Variants in THSD7A observed in about 807,000 individuals in gnomAD.
THSD7A encodes thrombospondin type 1 domain containing 7A, also known as thrombospondin type-1 domain-containing protein 7A.
A neutral mutation model predicts 231.3 loss-of-function variants in THSD7A; 96 were observed. The observed-to-expected ratio is 0.41, with a 90% CI of 0.35 to 0.49. The LOEUF (loss-of-function observed/expected upper bound fraction) is 0.49, where lower values mean the gene tolerates loss of function less well. Ranked by LOEUF, THSD7A falls within the 20% of genes least tolerant of loss-of-function variation. The probability of loss-of-function intolerance (pLI) is 0.05; values close to 1 mark genes in which losing one functional copy is unlikely to be tolerated. For missense variants in THSD7A, 2,290 were observed against 2,070.2 expected (o/e 1.11, Z -2.06); for synonymous variants, 940 against 743.3 (o/e 1.26, Z -4.30).
intron 2 of THSD7A, among the ~76,000 whole-genome samples, chr7:11,616,907 G>A (rs1443629156): frequency 1.3e-5 from 2 of 152,138 alleles, no homozygotes; most frequent in East Asian, 1.9e-4. Flanking sequence ...ATTGTGTACA[G>A]AATCATTCAT....
In THSD7A at chr7:11,711,452, C is replaced by A. The variant is rs151259717; in HGVS notation, c.191-74491G>T. Among the ~76,000 whole-genome samples, 4 of 151,154 alleles carry A rather than the reference C, an allele frequency of 2.6e-5. No homozygotes were observed. The East Asian group carries it at 7.8e-4, about 30-fold the overall frequency. ...CCTTAATCTGATATTGATCTGCTGA[C>A]GAATTAAATTTCTCTATTCCTACAT... On this transcript the variant is annotated intron_variant, in intron 1 of 27. Coordinates refer to ENST00000423059, the MANE Select transcript of THSD7A (RefSeq NM_015204.3).
intron 4 of THSD7A, among the ~76,000 whole-genome samples, chr7:11,573,296 G>A (rs4720996): frequency 6.6e-6 from 1 of 152,296 alleles, no homozygotes; most frequent in African/African-American, 2.4e-5. Context: ...AGGATTCATG[G>A]TGTATCCACA....
intron 1 of THSD7A, among the ~76,000 whole-genome samples, chr7:11,672,067 CTT>C (rs1442318370): frequency 6.6e-6 from 1 of 152,072 alleles, no homozygotes; most frequent in African/African-American, 2.4e-5. Flanking sequence ...CTTTTATAAA[CTT>C]AACTCTTGTT....
chr7:11,712,474 A>G (rs923852704), intron 1 of THSD7A, among the ~76,000 whole-genome samples: 14 of 151,124 alleles, frequency 9.3e-5, no homozygotes, highest in African/African-American at 3.4e-4. Context: ...GAAAACATTT[A>G]CCTCTGGAAA....
At chr7:11,607,215 C>T (rs1283751521) in intron 2 of THSD7A, among the ~76,000 whole-genome samples, 1 of 152,052 alleles carries the variant, frequency 6.6e-6, no homozygotes, top group Non-Finnish European at 1.5e-5. Flanking sequence ...TGTTTTCCGA[C>T]AAATCTATTG....
At chr7:11,434,094 T>A (rs901850552) in intron 13 of THSD7A, among the ~76,000 whole-genome samples, 2 of 151,994 alleles carry the variant, frequency 1.3e-5, no homozygotes, top group African/African-American at 4.8e-5. Flanking sequence ...AGAAAAGCAT[T>A]CCCCTGCCTT....
chr7:11,702,869 G>C (rs1780648241), intron 1 of THSD7A, among the ~76,000 whole-genome samples: 1 of 151,172 alleles, frequency 6.6e-6, no homozygotes, highest in Admixed American at 6.6e-5. Context: ...TAATATTATG[G>C]TTACTGACAT....
intron 6 of THSD7A, among the ~76,000 whole-genome samples, chr7:11,535,899 TA>T (rs1352562132): frequency 2.0e-5 from 3 of 152,142 alleles, no homozygotes. Context: ...AAATATATTT[TA>T]ACTTTTTGTC....
chr7:11,750,346 A>G (rs1308304648), intron 1 of THSD7A, among the ~76,000 whole-genome samples: 2 of 151,928 alleles, frequency 1.3e-5, no homozygotes, highest in Non-Finnish European at 2.9e-5. Context: ...CAGTAACATT[A>G]TTGTGCAAGC....
Position 11,406,235 on chromosome 7 carries a change from C to A in THSD7A, c.4237+65G>T, listed in dbSNP as rs1402054050. 1.4e-6 allele frequency: 2 copies of A among 1,475,440 alleles called. No homozygotes were observed. Among genetic ancestry groups the A allele is most frequent in the Admixed American group, 2.1e-5 (1 of 46,946 alleles). 91.4% of individuals were successfully genotyped at this position (1,475,440 alleles called of 1,614,324 possible). On this transcript the variant is annotated intron_variant, in intron 22 of 27. Transcript: ENST00000423059. This position sits in a 1 kb window ranked among gnomAD's most constrained non-coding sequence, Gnocchi z 4.7. The stretch of plus-strand genomic sequence containing the variant: ...CCTGTAACTTATACTTTATATGCAA[C>A]CCCTTCACGGCCCTTGTCCTAGGAA...
rs142480119 is a variant in THSD7A, at chr7:11,663,952, A to G, written c.191-26991T>C. Among the ~76,000 whole-genome samples, 229 of 151,700 alleles carry G rather than the reference A, an allele frequency of 1.5e-3. 2 individuals are homozygous for G. Among genetic ancestry groups the G allele is most frequent in the African/African-American group, 5.1e-3 (213 of 41,476 alleles). On this transcript the variant is annotated intron_variant, in intron 1 of 27. Coordinates refer to ENST00000423059, the MANE Select transcript of THSD7A (RefSeq NM_015204.3). ...TTTCAATTTTGATATTTTTCCCTTA[A>G]TTTAAAATAATAAATAAGGATAAAT...
chr7:11,486,039 C>T (rs886265303), intron 6 of THSD7A, among the ~76,000 whole-genome samples: 1 of 152,108 alleles, frequency 6.6e-6, no homozygotes, highest in Non-Finnish European at 1.5e-5. Flanking sequence ...TCTGGGAAAC[C>T]ATAGGCAAAT....
intron 6 of THSD7A, among the ~76,000 whole-genome samples, chr7:11,521,026 T>C (rs10216311): frequency 0.16 from 24,582 of 152,152 alleles, 2,350 homozygotes; most frequent in African/African-American, 0.27. Flanking sequence ...AATATTGCTC[T>C]TCAAAATGTA....
chr7:11,513,417 G>T (rs1467948313), intron 6 of THSD7A, among the ~76,000 whole-genome samples: 1 of 151,936 alleles, frequency 6.6e-6, no homozygotes, highest in Non-Finnish European at 1.5e-5. Context: ...ATCAACAAAT[G>T]AATGAATAAA....
intron 2 of THSD7A, among the ~76,000 whole-genome samples, chr7:11,611,010 T>G (rs1435459435): frequency 3.3e-5 from 5 of 152,164 alleles, no homozygotes; most frequent in Admixed American, 1.3e-4. Context: ...TTTAAATGCC[T>G]GTTTGACACG....
intron 1 of THSD7A, among the ~76,000 whole-genome samples, chr7:11,763,089 A>C (rs142390143): frequency 0.012 from 1,761 of 152,288 alleles, 20 homozygotes; most frequent in African/African-American, 0.04. Context: ...CACTGACCAG[A>C]AAAAGACAAA....
intron 4 of THSD7A, among the ~76,000 whole-genome samples, chr7:11,548,282 T>C (rs1486890210): frequency 6.6e-6 from 1 of 151,860 alleles, no homozygotes; most frequent in Non-Finnish European, 1.5e-5. Context: ...TTCCTAAAAA[T>C]ATACAACCTC....
chr7:11,395,592 A>G (rs1016352398), intron 23 of THSD7A, among the ~76,000 whole-genome samples: 1 of 148,750 alleles, frequency 6.7e-6, no homozygotes, highest in Non-Finnish European at 1.5e-5. Context: ...CAGTGGCACT[A>G]TCTCAGCTCA....
At chr7:11,582,409 CCTT>C (rs1286045931) in intron 4 of THSD7A, among the ~76,000 whole-genome samples, 3 of 152,022 alleles carry the variant, frequency 2.0e-5, no homozygotes, top group Non-Finnish European at 4.4e-5. Flanking sequence ...GCAATACTCT[CCTT>C]ATTGTTTCCT....
Sources: allele counts gnomAD v4.1 joint callset (sites outside exome capture counted in the v4.1 genomes callset), GRCh38; gene constraint gnomAD v4.1.1; non-coding constraint Gnocchi (gnomAD v3.1); transcripts MANE v1.5; gene names NCBI Gene and HGNC (gene_info 2026-07-23, HGNC 2026-07-21).